ETS1: variants seen among roughly 807,000 people sequenced by gnomAD.
ETS1 encodes protein C-ets-1.
ETS1 carries 15 observed loss-of-function variants against 58.6 expected under a neutral mutation model. The observed-to-expected ratio is 0.26, with a 90% confidence interval of 0.17 to 0.39. The LOEUF (loss-of-function observed/expected upper bound fraction) is 0.39. Ranked by LOEUF, ETS1 falls within the 10% of genes least tolerant of loss-of-function variation. ETS1 has a pLI of 1.00. For synonymous variants in ETS1, 214 were observed against 218.2 expected, an observed-to-expected ratio of 0.98 and a Z score of 0.17; for missense variants, 417 against 610.5, an observed-to-expected ratio of 0.68 and a Z score of 3.34.
intron 3 of ETS1, among the ~76,000 whole-genome samples, chr11:128,491,457 A>C (rs925431580): frequency 6.6e-6 from 1 of 152,266 alleles, no homozygotes. Context: ...TGAAGGAAAC[A>C]GGAAAGGCCT....
At chr11:128,558,006 G>A (rs1256147398) in intron 2 of ETS1, among the ~76,000 whole-genome samples, 1 of 152,144 alleles carries the variant, frequency 6.6e-6, no homozygotes, top group African/African-American at 2.4e-5. Flanking sequence ...TATTGACACA[G>A]AGAAAAATGA....
intron 8 of ETS1, among the ~76,000 whole-genome samples, chr11:128,470,257 TA>T (rs530288824): frequency 3.2e-4 from 49 of 152,104 alleles, no homozygotes; most frequent in Non-Finnish European, 6.5e-4. Context: ...AATTTAAAAA[TA>T]AAAGCCATTT....
chr11:128,482,206 T>G (rs1444823396), intron 7 of ETS1, among the ~76,000 whole-genome samples: 1 of 152,196 alleles, frequency 6.6e-6, no homozygotes, highest in Non-Finnish European at 1.5e-5. Context: ...AAATTCACAC[T>G]AAATGATTTA....
Position 128,479,409 on chromosome 11 carries a change from T to C in ETS1, c.1123+782A>G, listed in dbSNP as rs58323662. Among the ~76,000 whole-genome samples, 703 of 152,328 alleles carry C rather than the reference T, an allele frequency of 4.6e-3. 14 individuals carry two copies. The highest frequency in any genetic ancestry group is 0.016 in the African/African-American group (679 of 41,576). ...ACAATCTTACAGAGAGATCTGATGATTAACACATTAATGCTCCTTGGCTAT... is the reference window on the plus strand; with the variant it reads ...ACAATCTTACAGAGAGATCTGATGACTAACACATTAATGCTCCTTGGCTAT... On this transcript the variant is annotated intron_variant, in intron 8 of 9. Coordinates refer to ENST00000392668, the MANE Select transcript of ETS1 (RefSeq NM_001143820.2).
At chr11:128,545,762 T>C (rs1041472586) in intron 3 of ETS1, among the ~76,000 whole-genome samples, 8 of 152,222 alleles carry the variant, frequency 5.3e-5, no homozygotes, top group South Asian at 2.1e-4. Context: ...TGCACAGATA[T>C]CTAACAGGAA....
At chr11:128,523,381 C>T (rs867995752) in intron 3 of ETS1, among the ~76,000 whole-genome samples, 2 of 152,342 alleles carry the variant, frequency 1.3e-5, no homozygotes, top group South Asian at 2.1e-4. Context: ...ACAAATCAAC[C>T]AGTACATGTA....
intron 8 of ETS1, among the ~76,000 whole-genome samples, chr11:128,474,258 T>C (rs745424857): frequency 7.7e-4 from 118 of 152,290 alleles, no homozygotes; most frequent in Non-Finnish European, 5.9e-4. Flanking sequence ...AGATCCCTTC[T>C]GTCCAAAGAC....
At chr11:128,502,918 A>AAACT (rs1863128586) in intron 3 of ETS1, among the ~76,000 whole-genome samples, 1 of 152,234 alleles carries the variant, frequency 6.6e-6, no homozygotes, top group Non-Finnish European at 1.5e-5. Context: ...GTTTCCACCG[A>AAACT]CAGCCCTTAG....
At position 128,540,867 on chromosome 11, in the gene ETS1, G is replaced by C. The variant is rs1240356674; in HGVS notation, c.214+15424C>G. ...GGAAGGCCACGGAGAGGCCAGACCAGGGTGAGGGAGGTGAAAATCAACACA... is the reference window on the plus strand; with the variant it reads ...GGAAGGCCACGGAGAGGCCAGACCACGGTGAGGGAGGTGAAAATCAACACA... On this transcript the variant is annotated intron_variant, in intron 3 of 9. Coordinates refer to ENST00000392668, the MANE Select transcript of ETS1 (RefSeq NM_001143820.2). Among the ~76,000 whole-genome samples, 6 of 152,200 alleles carry C rather than the reference G, an allele frequency of 3.9e-5. No individual in the cohort carries two copies. In the East Asian group the frequency reaches 1.2e-3, roughly 29 times the overall value.
chr11:128,553,811 G>T (rs1449645944), intron 3 of ETS1, among the ~76,000 whole-genome samples: 2 of 152,044 alleles, frequency 1.3e-5, no homozygotes, highest in African/African-American at 4.8e-5. Flanking sequence ...TGACAGATGT[G>T]TAGTCCTTGG....
At chr11:128,570,337 A>C (rs146749743) in intron 2 of ETS1, among the ~76,000 whole-genome samples, 1 of 151,770 alleles carries the variant, frequency 6.6e-6, no homozygotes, top group East Asian at 1.9e-4. Context: ...TCCTGGGTTC[A>C]AGCGATTCTC....
In ETS1 at chr11:128,545,254, T is replaced by C. The variant is rs1056928781; in HGVS notation, c.214+11037A>G. On this transcript the variant is annotated intron_variant, in intron 3 of 9. Transcript: ENST00000392668. ...TGTCTTGTTTTCCCTTTTACATCCC[T>C]GTGGAATTTTCATGGGTCTCTGCTT... Among the ~76,000 whole-genome samples the C allele has an allele frequency of 5.3e-5, 8 of 152,314 alleles. No homozygotes were observed. The South Asian group carries it at 1.7e-3, about 32-fold the overall frequency.
intron 3 of ETS1, among the ~76,000 whole-genome samples, chr11:128,533,213 A>C (rs1220110431): frequency 6.6e-6 from 1 of 152,210 alleles, no homozygotes; most frequent in African/African-American, 2.4e-5. Context: ...GGAAAGGCAA[A>C]AGTTTTCATC....
intron 3 of ETS1, among the ~76,000 whole-genome samples, chr11:128,516,309 T>C (rs1408963327): frequency 6.6e-6 from 1 of 152,186 alleles, no homozygotes; most frequent in African/African-American, 2.4e-5. Context: ...AGCCTTGACA[T>C]TCCTAACCCT....
chr11:128,474,501 A>C (rs1038600695), intron 8 of ETS1, among the ~76,000 whole-genome samples: 50 of 152,354 alleles, frequency 3.3e-4, no homozygotes, highest in African/African-American at 1.2e-3. Context: ...GGAGGCAGAA[A>C]CAGTGGAATT....
intron 1 of ETS1, among the ~76,000 whole-genome samples, chr11:128,574,836 G>C (rs1267466012): frequency 6.6e-6 from 1 of 152,170 alleles, no homozygotes; most frequent in African/African-American, 2.4e-5. Context: ...ATCTTTGGTT[G>C]AGACATAAAA....
intron 2 of ETS1, among the ~76,000 whole-genome samples, chr11:128,567,286 C>T (rs920136393): frequency 6.6e-6 from 1 of 152,220 alleles, no homozygotes; most frequent in Non-Finnish European, 1.5e-5. Context: ...TGACAGCCTC[C>T]CTGGGGTCCC....
chr11:128,489,549 C>T, intron 4 of ETS1, 59 bp from the exon 5 acceptor site: 1 of 1,381,918 alleles, frequency 7.2e-7, no homozygotes, highest in South Asian at 1.2e-5. Flanking sequence ...CTATCCAAGC[C>T]TCAGAGAGGA....
intron 3 of ETS1, among the ~76,000 whole-genome samples, chr11:128,545,004 G>A (rs12271289): frequency 0.015 from 2,279 of 149,538 alleles, 58 homozygotes; most frequent in African/African-American, 0.053. Context: ...TCTGCTCACG[G>A]AGCTGGCTGG....
Sources: gnomAD v4.1 joint callset for allele counts (sites outside exome capture counted in the v4.1 genomes callset) on GRCh38, gnomAD v4.1.1 for gene constraint, MANE v1.5 for transcripts, NCBI Gene and HGNC (gene_info 2026-07-23, HGNC 2026-07-21) for gene names.